Variants in CACNG2 observed in about 807,000 individuals in gnomAD.
CACNG2 encodes the protein calcium voltage-gated channel auxiliary subunit gamma 2.
In CACNG2, 3 loss-of-function variants were observed where a neutral mutation model predicts 25.9. The observed-to-expected ratio is 0.12, with a 90% CI of 0.05 to 0.30. The LOEUF (loss-of-function observed/expected upper bound fraction) is 0.30. Ranked by LOEUF, CACNG2 falls within the 10% of genes least tolerant of loss-of-function variation. The probability of loss-of-function intolerance (pLI) is 1.00; values close to 1 mark genes in which losing one functional copy is unlikely to be tolerated. For synonymous variants in CACNG2, 167 were observed against 173.3 expected (o/e 0.96, Z 0.29); for missense variants, 341 against 432.5 (o/e 0.79, Z 1.88).
intron 1 of CACNG2, among the ~76,000 whole-genome samples, chr22:36,675,202 A>AT (rs1204921568): frequency 9.2e-5 from 14 of 151,398 alleles, no homozygotes; most frequent in South Asian, 2.1e-4. Flanking sequence ...ATACCCAGCT[A>AT]TTTTTTTTCT....
In CACNG2 at chr22:36,702,758, C is replaced by T. The variant is rs959530854; in HGVS notation, c.-182G>A. Reference sequence around the variant, plus strand: ...AAAAAAAGGGAGGTAAGAAAGCTCACGGAAAAGAGTGTAAATTATAAAGAT... The same window carrying T: ...AAAAAAAGGGAGGTAAGAAAGCTCATGGAAAAGAGTGTAAATTATAAAGAT... On this transcript the variant is annotated 5_prime_UTR_variant, in exon 1 of 4. It adds an upstream start codon to the 5' untranslated region. Transcript: ENST00000300105. The T allele has an allele frequency of 5.0e-5, 28 of 554,736 alleles. No individual in the cohort carries two copies. The East Asian group carries it at 7.6e-4, about 15-fold the overall frequency. 34.4% of individuals were successfully genotyped at this position (554,736 alleles called of 1,614,324 possible). A position where few individuals can be genotyped will look rare whatever the true frequency, so the allele number is the denominator to read the frequency against.
chr22:36,648,381 G>T (rs981607055), intron 1 of CACNG2, among the ~76,000 whole-genome samples: 5 of 152,206 alleles, frequency 3.3e-5, no homozygotes, highest in Non-Finnish European at 4.4e-5. Context: ...AGAATTCAAC[G>T]TGGTAGGTCC....
At chr22:36,689,794 G>A (rs1461183719) in intron 1 of CACNG2, among the ~76,000 whole-genome samples, 2 of 152,260 alleles carry the variant, frequency 1.3e-5, no homozygotes, top group African/African-American at 4.8e-5. Flanking sequence ...CCACGTGGCT[G>A]GCCACCACAA....
intron 1 of CACNG2, among the ~76,000 whole-genome samples, chr22:36,660,746 A>G (rs1936780150): frequency 6.6e-6 from 1 of 152,248 alleles, no homozygotes. Context: ...GTGGGTTGTT[A>G]GATAAACGTG....
intron 1 of CACNG2, among the ~76,000 whole-genome samples, chr22:36,614,119 A>T (rs1164480309): frequency 1.3e-5 from 2 of 152,164 alleles, no homozygotes; most frequent in Non-Finnish European, 1.5e-5. Context: ...CTACAGGATG[A>T]CGTCCAAACT....
intron 2 of CACNG2, 22 bp from the exon 3 acceptor site, chr22:36,566,515 G>A: frequency 6.2e-7 from 1 of 1,613,778 alleles, no homozygotes; most frequent in Non-Finnish European, 8.5e-7. Flanking sequence ...AGAGGGTCAG[G>A]GAGAAAGAGA....
At position 36,703,576 on chromosome 22, in the gene CACNG2, CGG is replaced by C. The variant is rs1937443515; in HGVS notation, c.-1002_-1001del. ...TGCGCCGCCCGCTCCGCGCGCTCCC[CGG>C]CTGGCTCCCAGGGCCGCCCGCCAGG... On this transcript the variant is annotated 5_prime_UTR_variant, in exon 1 of 4. Coordinates refer to ENST00000300105, the MANE Select transcript of CACNG2 (RefSeq NM_006078.5). 2.0e-5 allele frequency: 3 copies of C among 151,530 alleles called. No individual in the cohort carries two copies. The highest frequency in any genetic ancestry group is 2.4e-5 in the African/African-American group (1 of 41,060). The allele number at this position is 151,530 out of a possible 1,614,324, so 9.4% of individuals were successfully genotyped here. A position where few individuals can be genotyped will look rare whatever the true frequency, so the allele number is the denominator to read the frequency against.
chr22:36,566,569 A>G (rs371132602), intron 2 of CACNG2, 76 bp from the exon 3 acceptor site: 4 of 1,515,388 alleles, frequency 2.6e-6, no homozygotes, highest in South Asian at 1.1e-5. Context: ...CAGGTGGGAG[A>G]GCAGCCCCGA....
At chr22:36,671,065 T>G (rs1471864496) in intron 1 of CACNG2, among the ~76,000 whole-genome samples, 1 of 152,000 alleles carries the variant, frequency 6.6e-6, no homozygotes, top group African/African-American at 2.4e-5. Context: ...ATTACAGGCA[T>G]GCACCACCAC....
Position 36,564,409 on chromosome 22 carries a change from T to G in CACNG2, c.914A>C (p.Lys305Thr), listed in dbSNP as rs752215474. ...GGAGTGGAGAGAGTCCTTGTTCTCCTTCTGGATACAGTTGTGAACCTGGAG... is the reference window on the plus strand; with the variant it reads ...GGAGTGGAGAGAGTCCTTGTTCTCCGTCTGGATACAGTTGTGAACCTGGAG... ...SFLQVHNCIQKENKDSLHSNT... is the reference protein window; with the variant it reads ...SFLQVHNCIQTENKDSLHSNT... The change falls in exon 4 of 4, where the codon AAG becomes ACG. Residue 305 changes from lysine (K) to threonine (T), a missense_variant. Around this residue, in one of 2 missense-constraint regions of CACNG2, gnomAD observed 172 missense variants for 178.1 expected, o/e 0.97. Transcript: ENST00000300105. This position sits in a 1 kb window ranked among gnomAD's most constrained non-coding sequence, Gnocchi z 6.7. The G allele has an allele frequency of 6.2e-7, 1 of 1,613,962 alleles. No individual in the cohort carries two copies. The highest frequency in any genetic ancestry group is 8.5e-7 in the Non-Finnish European group (1 of 1,179,968).
chr22:36,605,992 G>T (rs1201567882), intron 1 of CACNG2, among the ~76,000 whole-genome samples: 1 of 152,194 alleles, frequency 6.6e-6, no homozygotes, highest in Non-Finnish European at 1.5e-5. Context: ...GAAGCCCTGT[G>T]GTGTGGTGGC....
At chr22:36,630,824 T>A (rs573141958) in intron 1 of CACNG2, among the ~76,000 whole-genome samples, 1 of 151,898 alleles carries the variant, frequency 6.6e-6, no homozygotes, top group African/African-American at 2.4e-5. Context: ...TGTGGACAGA[T>A]TCTTGAGCTA....
intron 2 of CACNG2, among the ~76,000 whole-genome samples, chr22:36,582,634 C>T (rs1487189348): frequency 6.6e-6 from 1 of 151,598 alleles, no homozygotes; most frequent in Non-Finnish European, 1.5e-5. Flanking sequence ...GTCTCGAACT[C>T]CCAACCTCAG....
chr22:36,578,171 G>A (rs1935356818), intron 2 of CACNG2, among the ~76,000 whole-genome samples: 1 of 151,908 alleles, frequency 6.6e-6, no homozygotes, highest in Admixed American at 6.6e-5. Context: ...AGACCAACCT[G>A]GCCAACATGG....
rs115871151 is a variant in CACNG2 at position 36,692,000 on chromosome 22, G to A, written c.211+10366C>T. ...AGAGATAGAGAGATCCAGGTTGGGG[G>A]AAAATATGATAGAAAAAAGTGCATA... On this transcript the variant is annotated intron_variant, in intron 1 of 3. Transcript: ENST00000300105. 9.3e-3 allele frequency among the ~76,000 whole-genome samples: 1,412 copies of A among 152,232 alleles called. 11 individuals carry two copies. In the Middle Eastern group the frequency reaches 0.095, roughly 10 times the overall value.
At position 36,564,765 on chromosome 22, in the gene CACNG2, G is replaced by C; in HGVS notation, c.558C>G (p.Ser186=). ...CCCCGACCATCTCGGCGATGATGAA[G>C]GACAGGGCCCCGAAGTAGAAGGACC... ...YGWSFYFGAL[S]FIIAEMVGVL... The change falls in exon 4 of 4, where the codon TCC becomes TCG. Residue 186 remains serine (S), a synonymous_variant. Transcript: ENST00000300105. This position sits in a 1 kb window ranked among gnomAD's most constrained non-coding sequence, Gnocchi z 6.7. 6.2e-7 allele frequency: 1 copy of C among 1,614,250 alleles called. No individual in the cohort carries two copies.
At chr22:36,679,197 C>CCTTCCTTTCTTTCTTCCTTTCTTT (rs1491420417) in intron 1 of CACNG2, among the ~76,000 whole-genome samples, 1 of 54,786 alleles carries the variant, frequency 1.8e-5, no homozygotes, top group African/African-American at 6.9e-5. Context: ...TTCCTTCCTT[C>CCTTCCTTTCTTTCTTCCTTTCTTT]CTTTCTTTCT....
chr22:36,655,749 CCTTTCTTTCTTT>C (rs768729549), intron 1 of CACNG2, among the ~76,000 whole-genome samples: 3 of 144,762 alleles, frequency 2.1e-5, no homozygotes, highest in Non-Finnish European at 3.0e-5. Context: ...TTCCTTTCTT[CCTTTCTTTCTTT>C]CTTTCTCTTT....
chr22:36,700,553 T>C (rs980542608), intron 1 of CACNG2, among the ~76,000 whole-genome samples: 4 of 152,210 alleles, frequency 2.6e-5, no homozygotes, highest in Non-Finnish European at 5.9e-5. Flanking sequence ...GCCACTATGA[T>C]CATTTCCCTA....
Sources: allele counts gnomAD v4.1 joint callset (sites outside exome capture counted in the v4.1 genomes callset), GRCh38; gene constraint gnomAD v4.1.1; regional missense constraint gnomAD v4.1.1; non-coding constraint Gnocchi (gnomAD v3.1); transcripts MANE v1.5; gene names NCBI Gene and HGNC (gene_info 2026-07-23, HGNC 2026-07-21).